CTCFL: variants seen among roughly 807,000 people sequenced by gnomAD.
The protein encoded by CTCFL is CCCTC-binding factor like.
In CTCFL, 36 loss-of-function variants were observed where a neutral mutation model predicts 67.4. The ratio of observed to expected loss-of-function variants is 0.53; its 90% confidence interval spans 0.41 to 0.71. CTCFL has a LOEUF of 0.71. Among genes scored for constraint, CTCFL ranks in the 30% least tolerant of loss-of-function variants. CTCFL has a pLI of 0.00. For synonymous variants in CTCFL, 324 were observed against 302.3 expected (o/e 1.07, Z -0.75); for missense variants, 786 against 835.2 (o/e 0.94, Z 0.73).
chr20:57,513,977 G>T, intron 7 of CTCFL: 1 of 1,041,594 alleles, frequency 9.6e-7, no homozygotes, highest in South Asian at 1.4e-5. Flanking sequence ...CCAGCTCCTA[G>T]GCCTGCTGTT....
chr20:57,502,498 T>C (rs960037109), intron 10 of CTCFL, among the ~76,000 whole-genome samples: 1 of 152,190 alleles, frequency 6.6e-6, no homozygotes, highest in Admixed American at 6.5e-5. Flanking sequence ...GCGACCGTCA[T>C]CTGTGGGAAC....
Position 57,505,246 on chromosome 20 carries a change from AATTT to A in CTCFL, c.1675-1649_1675-1646del, listed in dbSNP as rs776660553. On this transcript the variant is annotated intron_variant, in intron 9 of 10. Transcript: ENST00000243914. ...ATAATAGAAATCAATGAGAAGACAA[AATTT>A]ATTTATTTATTTATTTATTTTTTGA... is the stretch of plus-strand genomic sequence containing the variant. Among the ~76,000 whole-genome samples, 92 of 151,488 alleles carry A rather than the reference AATTT, an allele frequency of 6.1e-4. 1 individual carries two copies. The highest frequency in any genetic ancestry group is 3.4e-3 in the Middle Eastern group (1 of 294).
At chr20:57,524,884 C>T (rs1418252337) in intron 1 of CTCFL, 144 bp downstream of exon 1, 7 of 408,564 alleles carry the variant, frequency 1.7e-5, no homozygotes, top group African/African-American at 2.2e-5. Context: ...CACGCCCCGC[C>T]CCGACCCGAC....
chr20:57,499,922 G>C, intron 10 of CTCFL: 1 of 979,162 alleles, frequency 1.0e-6, no homozygotes, highest in Non-Finnish European at 1.2e-6. Context: ...GGGAGGCCCA[G>C]TTCCTAACAG....
At chr20:57,507,447 C>CT (rs2068270411) in intron 9 of CTCFL, 2 of 639,466 alleles carry the variant, frequency 3.1e-6, no homozygotes, top group Non-Finnish European at 5.7e-6. Context: ...ATCCACCTGC[C>CT]TTGGCCTCCC....
At position 57,514,608 on chromosome 20, in the gene CTCFL, T is replaced by C. The variant is rs2068781538; in HGVS notation, c.1314A>G (p.Ala438=). Residue 438 remains alanine, a synonymous_variant, in exon 7 of 11, where the codon GCA becomes GCG. Coordinates refer to ENST00000243914, the MANE Select transcript of CTCFL (RefSeq NM_001386993.1). ...ACCACTCACGTAGGTCGCTTTTCCG[T>C]GCAATGATGGTGGCACAATGGGGAC... ...YQCPHCATII[A]RKSDLRVHMR... 6.2e-7 allele frequency: 1 copy of C among 1,614,046 alleles called. No homozygotes were observed. The highest frequency in any genetic ancestry group is 1.3e-5 in the African/African-American group (1 of 74,930).
In CTCFL at chr20:57,515,734, C is replaced by T. The variant is rs757349885; in HGVS notation, c.1160G>A (p.Arg387His). Residue 387 changes from arginine to histidine, a missense_variant, in exon 6 of 11, where the codon CGC becomes CAC. This residue lies in a region of CTCFL where 254 missense variants were observed against 333.9 expected (regional missense o/e 0.76). Transcript: ENST00000243914. ...CTTACCTGAGTGCGTTCTCATGTGGCGTTTCAGCTTGTAGGTATCTCTGCT... is the reference window on the plus strand; with the variant it reads ...CTTACCTGAGTGCGTTCTCATGTGGTGTTTCAGCTTGTAGGTATCTCTGCT... ...YASRDTYKLKRHMRTHSGEKP... is the reference protein window; with the variant it reads ...YASRDTYKLKHHMRTHSGEKP... 1.2e-5 allele frequency: 19 copies of T among 1,614,134 alleles called. No individual in the cohort carries two copies. Among genetic ancestry groups the T allele is most frequent in the East Asian group, 2.2e-5 (1 of 44,878 alleles).
At chr20:57,501,332 C>T (rs958791839) in intron 10 of CTCFL, among the ~76,000 whole-genome samples, 11 of 143,886 alleles carry the variant, frequency 7.6e-5, no homozygotes, top group Admixed American at 3.7e-4. Context: ...TCTGAAGATA[C>T]GGAGCATGTT....
chr20:57,507,146 A>G, intron 9 of CTCFL: 1 of 642,498 alleles, frequency 1.6e-6, no homozygotes, highest in East Asian at 1.2e-4. Flanking sequence ...TCCCCACTCG[A>G]GTGTGGGTGG....
chr20:57,503,238 G>A (rs1159179007), intron 10 of CTCFL, among the ~76,000 whole-genome samples, 198 bp downstream of exon 10: 3 of 152,240 alleles, frequency 2.0e-5, no homozygotes, highest in African/African-American at 7.2e-5. Context: ...ATGGACCTGC[G>A]TGGGGCTCTC....
chr20:57,503,701 T>C (rs2068036834), intron 9 of CTCFL, 100 bp from the exon 10 acceptor site: 1 of 1,312,388 alleles, frequency 7.6e-7, no homozygotes, highest in African/African-American at 1.5e-5. Flanking sequence ...GAAAGAAAAA[T>C]CCTGAGTTCT....
intron 10 of CTCFL, among the ~76,000 whole-genome samples, chr20:57,502,266 A>T (rs1313389458): frequency 6.6e-6 from 1 of 152,214 alleles, no homozygotes; most frequent in Non-Finnish European, 1.5e-5. Context: ...GACTGGAACC[A>T]GGGACCCAGA....
intron 7 of CTCFL, 97 bp downstream of exon 7, chr20:57,514,495 C>T: frequency 1.4e-6 from 2 of 1,417,372 alleles, no homozygotes; most frequent in South Asian, 1.4e-5. Flanking sequence ...AAGACCGGGC[C>T]TCCCAGTATC....
downstream of CTCFL, chr20:57,497,117 CCAGA>C (rs1478048198): frequency 2.2e-6 from 1 of 453,448 alleles, no homozygotes; most frequent in Non-Finnish European, 2.9e-6. Flanking sequence ...CACATTCTCT[CCAGA>C]CAAAGAAGAT....
At chr20:57,516,564 G>A (rs1490296483) in intron 5 of CTCFL, among the ~76,000 whole-genome samples, 3 of 151,926 alleles carry the variant, frequency 2.0e-5, no homozygotes, top group Non-Finnish European at 4.4e-5. Context: ...AAATAAAAAC[G>A]AAACCCTAGC....
At position 57,498,054 on chromosome 20, in the gene CTCFL, C is replaced by G; in HGVS notation, c.*496G>C. 2 of 895,646 alleles carry G rather than the reference C, an allele frequency of 2.2e-6. No individual in the cohort carries two copies. The highest frequency in any genetic ancestry group is 2.7e-6 in the Non-Finnish European group (2 of 748,302). 55.5% of individuals were successfully genotyped at this position (895,646 alleles called of 1,614,324 possible). A position where few individuals can be genotyped will look rare whatever the true frequency, so the allele number is the denominator to read the frequency against. ...AATTCATTTGTATAAAAACATTTGT[C>G]TTTAATGTTTAAAACCATATATTAT... On this transcript the variant is annotated 3_prime_UTR_variant, in exon 11 of 11. Coordinates refer to ENST00000243914, the MANE Select transcript of CTCFL (RefSeq NM_001386993.1).
At chr20:57,500,722 A>T (rs2067869199) in intron 10 of CTCFL, among the ~76,000 whole-genome samples, 1 of 152,210 alleles carries the variant, frequency 6.6e-6, no homozygotes, top group Non-Finnish European at 1.5e-5. Flanking sequence ...AGCCTATAAG[A>T]ACCTTCTCAA....
At position 57,524,170 on chromosome 20, in the gene CTCFL, T is replaced by C. The variant is rs770710599; in HGVS notation, c.36A>G (p.Gln12=). 7 of 1,613,310 alleles carry C rather than the reference T, an allele frequency of 4.3e-6. No homozygotes were observed. Among genetic ancestry groups the C allele is most frequent in the Admixed American group, 3.3e-5 (2 of 59,992 alleles). The part of the protein sequence containing the change: ...AATEISVLSE[Q]FTKIKELELM... Reference sequence around the variant, plus strand: ...ACTCGAGTTCTTTGATCTTGGTGAATTGCTCAGAAAGGACAGAGATCTCAG... The same window carrying C: ...ACTCGAGTTCTTTGATCTTGGTGAACTGCTCAGAAAGGACAGAGATCTCAG... The change falls in exon 2 of 11, where the codon CAA becomes CAG. Residue 12 remains glutamine (Q), a synonymous_variant. Coordinates refer to ENST00000243914, the MANE Select transcript of CTCFL (RefSeq NM_001386993.1).
chr20:57,501,195 C>A (rs866813793), intron 10 of CTCFL, among the ~76,000 whole-genome samples: 3 of 152,204 alleles, frequency 2.0e-5, no homozygotes, highest in African/African-American at 7.2e-5. Flanking sequence ...GCCAGGCCCG[C>A]CTTGGAGGAG....
Sources: gnomAD v4.1 joint callset for allele counts (sites outside exome capture counted in the v4.1 genomes callset) on GRCh38, gnomAD v4.1.1 for gene constraint, gnomAD v4.1.1 regional missense constraint, MANE v1.5 for transcripts, NCBI Gene and HGNC (gene_info 2026-07-23, HGNC 2026-07-21) for gene names.